The following SLC4A10 variants were observed in gnomAD, a reference collection of about 807,000 sequenced individuals.
The protein encoded by SLC4A10 is sodium-driven chloride bicarbonate exchanger.
A neutral mutation model predicts 137.7 loss-of-function variants in SLC4A10; 42 were observed. The observed-to-expected ratio is 0.30, with a 90% CI of 0.24 to 0.39. The LOEUF is 0.39. Among genes scored for constraint, SLC4A10 ranks in the 10% least tolerant of loss-of-function variants. The pLI is 1.00. For synonymous variants in SLC4A10, 474 were observed against 464.1 expected, an observed-to-expected ratio of 1.02 and a Z score of -0.27; for missense variants, 925 against 1,355.0, an observed-to-expected ratio of 0.68 and a Z score of 4.98.
At chr2:161,833,562 C>T (rs1413984935) in intron 3 of SLC4A10, among the ~76,000 whole-genome samples, 1 of 152,190 alleles carries the variant, frequency 6.6e-6, no homozygotes, top group East Asian at 1.9e-4. Flanking sequence ...CAGGCAAGAA[C>T]TTAATAAATG....
At chr2:161,720,215 T>C (rs4447614) in intron 1 of SLC4A10, among the ~76,000 whole-genome samples, 4 of 152,114 alleles carry the variant, frequency 2.6e-5, no homozygotes, top group East Asian at 3.9e-4. Context: ...AGATATGCAG[T>C]GTTATTTCTG....
intron 1 of SLC4A10, among the ~76,000 whole-genome samples, chr2:161,689,398 G>A (rs1307904657): frequency 8.5e-5 from 13 of 152,216 alleles, no homozygotes; most frequent in Non-Finnish European, 7.4e-5. Flanking sequence ...TTAATGACTA[G>A]ATAAGTTTGG....
At chr2:161,953,186 C>A (rs1384047822) in intron 19 of SLC4A10, among the ~76,000 whole-genome samples, 1 of 152,208 alleles carries the variant, frequency 6.6e-6, no homozygotes, top group Non-Finnish European at 1.5e-5. Context: ...ACACCCAAGT[C>A]AACTCAGAAT....
chr2:161,954,133 C>T (rs148566774), intron 19 of SLC4A10, among the ~76,000 whole-genome samples: 1 of 152,278 alleles, frequency 6.6e-6, no homozygotes, highest in Non-Finnish European at 1.5e-5. Context: ...GCATTTGCAA[C>T]ATTCATTTGG....
At chr2:161,933,209 TTCTTTC>T (rs1175150921) in intron 15 of SLC4A10, among the ~76,000 whole-genome samples, 1 of 140,912 alleles carries the variant, frequency 7.1e-6, no homozygotes, top group African/African-American at 2.6e-5. Flanking sequence ...CTTTCTTTCT[TTCTTTC>T]TTTCTTTCTT....
At chr2:161,869,849 A>G (rs977978036) in intron 6 of SLC4A10, among the ~76,000 whole-genome samples, 3 of 151,404 alleles carry the variant, frequency 2.0e-5, no homozygotes, top group Non-Finnish European at 3.0e-5. Flanking sequence ...ACGATATACA[A>G]TTTGTGGTCT....
At chr2:161,917,786 G>A (rs1187123334) in intron 15 of SLC4A10, among the ~76,000 whole-genome samples, 1 of 152,102 alleles carries the variant, frequency 6.6e-6, no homozygotes, top group Non-Finnish European at 1.5e-5. Flanking sequence ...GGGATCATTA[G>A]GGTAGGGAAT....
At chr2:161,920,762 A>T (rs1292736403) in intron 15 of SLC4A10, among the ~76,000 whole-genome samples, 1 of 152,208 alleles carries the variant, frequency 6.6e-6, no homozygotes, top group Non-Finnish European at 1.5e-5. Flanking sequence ...CTCAGGAGTA[A>T]AATGGGCAAA....
chr2:161,928,234 A>C (rs1298341177), intron 15 of SLC4A10, among the ~76,000 whole-genome samples: 1 of 150,430 alleles, frequency 6.6e-6, no homozygotes, highest in South Asian at 2.1e-4. Context: ...GACATGGATG[A>C]AATTGGAAAT....
intron 1 of SLC4A10, among the ~76,000 whole-genome samples, chr2:161,733,697 G>A (rs1395349459): frequency 6.6e-6 from 1 of 152,184 alleles, no homozygotes; most frequent in Non-Finnish European, 1.5e-5. Flanking sequence ...GAAGAGATTT[G>A]AGCTGGCCAA....
chr2:161,635,255 C>G (rs1558910703), intron 1 of SLC4A10, among the ~76,000 whole-genome samples: 2 of 151,924 alleles, frequency 1.3e-5, no homozygotes, highest in Non-Finnish European at 2.9e-5. Flanking sequence ...CATTGAAACT[C>G]CCTCAAAATT....
chr2:161,923,518 GA>G lies in SLC4A10; in HGVS notation c.1997+17634del, dbSNP rs1688507908. 2.0e-5 allele frequency among the ~76,000 whole-genome samples: 3 copies of G among 152,138 alleles called. No homozygotes were observed. In the South Asian group the frequency reaches 6.2e-4, roughly 32 times the overall value. On this transcript the variant is annotated intron_variant, in intron 15 of 26. Transcript: ENST00000446997. The stretch of plus-strand genomic sequence containing the variant: ...TCATTTAATTTTATAATAACCCCTA[GA>G]AAGGACATGAACTCAGAAGCTGGAA...
intron 2 of SLC4A10, among the ~76,000 whole-genome samples, chr2:161,790,500 G>C (rs888999898): frequency 1.3e-5 from 2 of 152,058 alleles, no homozygotes; most frequent in South Asian, 2.1e-4. Flanking sequence ...CAATTCTAAG[G>C]GTGTTTGCTC....
chr2:161,833,036 C>T (rs1034793513), intron 3 of SLC4A10, among the ~76,000 whole-genome samples: 2 of 152,220 alleles, frequency 1.3e-5, no homozygotes, highest in African/African-American at 2.4e-5. Flanking sequence ...TGCGCCACCG[C>T]GCCCGGCCGC....
At chr2:161,844,299 G>A (rs1243457959) in intron 4 of SLC4A10, among the ~76,000 whole-genome samples, 2 of 152,128 alleles carry the variant, frequency 1.3e-5, no homozygotes, top group Non-Finnish European at 2.9e-5. Flanking sequence ...AATGGTTTAA[G>A]TCATCTGGAT....
intron 1 of SLC4A10, among the ~76,000 whole-genome samples, chr2:161,751,446 C>A (rs1385222272): frequency 6.7e-6 from 1 of 148,988 alleles, no homozygotes; most frequent in Admixed American, 6.7e-5. Flanking sequence ...TTTCATAGTA[C>A]TTACATGAAA....
chr2:161,743,326 C>A (rs1350074557), intron 1 of SLC4A10, among the ~76,000 whole-genome samples: 1 of 152,120 alleles, frequency 6.6e-6, no homozygotes, highest in African/African-American at 2.4e-5. Flanking sequence ...TAGTTCTATT[C>A]TTCTACATAA....
chr2:161,772,474 A>G (rs1044608536), intron 2 of SLC4A10, among the ~76,000 whole-genome samples: 2 of 151,880 alleles, frequency 1.3e-5, no homozygotes, highest in Non-Finnish European at 2.9e-5. Context: ...AATAGCATTT[A>G]CTGAGATCAT....
chr2:161,688,042 T>A (rs1015330276), intron 1 of SLC4A10, among the ~76,000 whole-genome samples: 1 of 152,240 alleles, frequency 6.6e-6, no homozygotes, highest in Non-Finnish European at 1.5e-5. Context: ...AAAGTAATTA[T>A]TTTTTATTGC....
Sources: gnomAD v4.1 joint callset for allele counts (sites outside exome capture counted in the v4.1 genomes callset) on GRCh38, gnomAD v4.1.1 for gene constraint, MANE v1.5 for transcripts, NCBI Gene and HGNC (gene_info 2026-07-23, HGNC 2026-07-21) for gene names.